Variants in TENM1 observed in about 807,000 individuals in gnomAD.
The protein encoded by TENM1 is teneurin-1.
A neutral mutation model predicts 174.8 loss-of-function variants in TENM1; 35 were observed. The observed-to-expected ratio is 0.20, with a 90% CI of 0.15 to 0.27. TENM1 has a LOEUF of 0.27. TENM1 is among the 10% of genes least tolerant of loss of function. TENM1 has a pLI of 1.00. For synonymous variants in TENM1, 781 were observed against 798.7 expected (o/e 0.98, Z 0.37); for missense variants, 1,633 against 2,130.1 (o/e 0.77, Z 4.59).
At chrX:125,040,871 A>G in the TENM1 span, among the ~76,000 whole-genome samples, 7 of 111,581 alleles carry the variant, frequency 6.3e-5, no homozygotes, top group Admixed American at 9.6e-5. Context: ...TGACCTCAGT[A>G]AACTTGTTTT....
chrX:124,581,931 G>A (rs2049326350), intron 11 of TENM1, among the ~76,000 whole-genome samples: 1 of 111,348 alleles, frequency 9.0e-6, no homozygotes, highest in South Asian at 3.8e-4. Flanking sequence ...GGGATGCGCA[G>A]ATTTGTTACA....
intron 22 of TENM1, among the ~76,000 whole-genome samples, chrX:124,460,739 G>GA (rs113811946): frequency 0.19 from 16,497 of 89,036 alleles, 1,254 homozygotes; most frequent in African/African-American, 0.27. Flanking sequence ...AGTAGAAGTT[G>GA]AAAAAAAAAA....
chrX:124,997,897 G>A, the TENM1 span, among the ~76,000 whole-genome samples: 2 of 109,960 alleles, frequency 1.8e-5, no homozygotes, highest in Non-Finnish European at 3.8e-5. Flanking sequence ...CACCACCCTG[G>A]AAAGCCTTCA....
intron 11 of TENM1, among the ~76,000 whole-genome samples, chrX:124,567,210 C>T (rs2048960794): frequency 9.0e-6 from 1 of 111,318 alleles, no homozygotes; most frequent in African/African-American, 3.3e-5. Flanking sequence ...TTCTGACAGG[C>T]CAGGACTGGA....
chrX:124,892,614 G>C (rs1383180643), intron 3 of TENM1, among the ~76,000 whole-genome samples: 2 of 111,665 alleles, frequency 1.8e-5, no homozygotes, highest in Non-Finnish European at 3.8e-5. Context: ...TTTCTCAGTT[G>C]GACAATTCAC....
At chrX:124,565,582 C>T in intron 11 of TENM1, 22 bp from the exon 15 acceptor site, 1 of 1,054,241 alleles carries the variant, frequency 9.5e-7, no homozygotes, top group Non-Finnish European at 1.2e-6. Context: ...TCAAAGAAGA[C>T]ATATTAACAT....
chrX:124,624,437 G>A (rs781652941), intron 11 of TENM1, among the ~76,000 whole-genome samples: 1 of 111,904 alleles, frequency 8.9e-6, no homozygotes, highest in Non-Finnish European at 1.9e-5. Context: ...GATTCACTAT[G>A]TACTTATTTT....
At chrX:124,731,537 A>G (rs1024170926) in intron 4 of TENM1, among the ~76,000 whole-genome samples, 22 of 111,871 alleles carry the variant, frequency 2.0e-4, no homozygotes, top group African/African-American at 6.2e-4. Flanking sequence ...GACTAGAAAC[A>G]GAAAACATTG....
chrX:124,504,908 C>CATGTGT (rs1446381320), intron 18 of TENM1, among the ~76,000 whole-genome samples: 26 of 98,664 alleles, frequency 2.6e-4, no homozygotes, highest in African/African-American at 1.1e-3. Context: ...TGTGCATGTG[C>CATGTGT]ATGTGTATGT....
chrX:124,591,813 T>C (rs1299362070), intron 11 of TENM1, among the ~76,000 whole-genome samples: 1 of 112,344 alleles, frequency 8.9e-6, no homozygotes, highest in African/African-American at 3.2e-5. Flanking sequence ...TTCCCTCAAA[T>C]GTTTTCCAGG....
At chrX:124,957,646 T>C (rs1197683940) in intron 1 of TENM1, among the ~76,000 whole-genome samples, 1 of 105,209 alleles carries the variant, frequency 9.5e-6, no homozygotes, top group African/African-American at 3.5e-5. Context: ...ATGTGAGATA[T>C]AGGTTTAGGT....
chrX:124,652,274 C>T (rs2051327493), intron 7 of TENM1, 150 bp from the exon 11 acceptor site: 1 of 707,635 alleles, frequency 1.4e-6, no homozygotes, highest in Non-Finnish European at 2.0e-6. Context: ...TATATTTAGA[C>T]TTGGCCAGGC....
the TENM1 span, among the ~76,000 whole-genome samples, chrX:125,155,656 G>A: frequency 3.9e-5 from 3 of 76,103 alleles, no homozygotes; most frequent in South Asian, 2.4e-3. Context: ...GAGAAATCGA[G>A]CGCAGCACCG....
chrX:124,756,743 G>T (rs1285023196), intron 3 of TENM1, among the ~76,000 whole-genome samples: 1 of 112,048 alleles, frequency 8.9e-6, no homozygotes, highest in African/African-American at 3.2e-5. Flanking sequence ...GTTGGAGTTT[G>T]CTAGAGGTCC....
At chrX:125,017,926 G>A in the TENM1 span, among the ~76,000 whole-genome samples, 4 of 111,285 alleles carry the variant, frequency 3.6e-5, no homozygotes, top group African/African-American at 9.8e-5. Context: ...TAGAGGATGG[G>A]TTGATGGGTG....
At chrX:124,975,978 A>C in the TENM1 span, among the ~76,000 whole-genome samples, 14 of 111,143 alleles carry the variant, frequency 1.3e-4, no homozygotes, top group Middle Eastern at 0.014. Flanking sequence ...ATTTTTATGA[A>C]TCTCACAGGG....
At chrX:125,103,699 G>C in the TENM1 span, among the ~76,000 whole-genome samples, 1 of 112,505 alleles carries the variant, frequency 8.9e-6, no homozygotes, top group Non-Finnish European at 1.9e-5. Context: ...ATAAAATTAA[G>C]ACTAGGCCGG....
chrX:124,377,599 CAA>C (rs771681536), exon 32 of TENM1: 1 of 111,108 alleles, frequency 9.0e-6, no homozygotes, highest in Admixed American at 9.6e-5. Context: ...AGAGTGAAAA[CAA>C]AACAAAACAG....
chrX:124,859,823 C>T lies in TENM1; in HGVS notation c.535+34473G>A, dbSNP rs771546961. Among the ~76,000 whole-genome samples the T allele has an allele frequency of 5.0e-3, 559 of 111,567 alleles. 9 individuals are homozygous for T. Among genetic ancestry groups the T allele is most frequent in the African/African-American group, 0.017 (527 of 30,732 alleles). On this transcript the variant is annotated intron_variant, in intron 3 of 31. Coordinates refer to ENST00000422452, the Ensembl canonical transcript of TENM1. ...TTGGAAAATGTGACATTTAACATGA[C>T]CAATTTATTTAACAGAAAAAGATGA...
Sources: gnomAD v4.1 joint callset for allele counts (sites outside exome capture counted in the v4.1 genomes callset) on GRCh38, gnomAD v4.1.1 for gene constraint, MANE v1.5 for transcripts, NCBI Gene and HGNC (gene_info 2026-07-23, HGNC 2026-07-21) for gene names.